The following CDKL3 variants were observed in gnomAD, a reference collection of about 807,000 sequenced individuals.
The protein encoded by CDKL3 is cyclin-dependent kinase-like 3.
A neutral mutation model predicts 69.3 loss-of-function variants in CDKL3; 65 were observed. That is an observed-to-expected ratio of 0.94 (90% confidence interval 0.77 to 1.15). CDKL3 has a LOEUF of 1.15. Among genes scored for constraint, CDKL3 ranks in the 50% most tolerant of loss-of-function variants. The probability of loss-of-function intolerance (pLI) is 0.00; values close to 1 mark genes in which losing one functional copy is unlikely to be tolerated. For synonymous variants in CDKL3, 202 were observed against 221.6 expected (o/e 0.91, Z 0.79); for missense variants, 652 against 689.2 (o/e 0.95, Z 0.61).
At chr5:134,310,458 G>A (rs900371045) in intron 7 of CDKL3, among the ~76,000 whole-genome samples, 4 of 151,578 alleles carry the variant, frequency 2.6e-5, no homozygotes, top group African/African-American at 9.7e-5. Flanking sequence ...CCAAAGTGCT[G>A]GGATTACAGG....
rs1384930916 is a variant in CDKL3 at position 134,366,369 on chromosome 5, T to G, written c.155A>C (p.Lys52Thr). Residue 52 changes from lysine (K) to threonine (T), a missense_variant, in exon 2 of 13, where the codon AAG becomes ACG. Physicochemically the swap from Lys to Thr is moderately conservative, Grantham distance 78. Transcript: ENST00000265334. ...GCAAAAGAAGCAAACCTTTAGAAAC[T>G]TTATTTCTCTCATCGCAATTTTGTT... ...SVNKIAMREI[K>T]FLKQFHHENL... is the part of the protein sequence containing the mutation. 6.4e-7 allele frequency: 1 copy of G among 1,567,284 alleles called. No individual in the cohort carries two copies. Among genetic ancestry groups the G allele is most frequent in the Non-Finnish European group, 8.6e-7 (1 of 1,160,914 alleles).
chr5:134,358,964 G>C (rs998869630), intron 3 of CDKL3, among the ~76,000 whole-genome samples: 1 of 152,080 alleles, frequency 6.6e-6, no homozygotes, highest in African/African-American at 2.4e-5. Flanking sequence ...CAGTTTAAAT[G>C]CTTTATACCT....
intron 6 of CDKL3, 122 bp downstream of exon 6, chr5:134,319,236 C>A: frequency 1.5e-6 from 1 of 672,336 alleles, no homozygotes; most frequent in Non-Finnish European, 2.3e-6. Flanking sequence ...AAGGCTGAGG[C>A]AGGAGAATCT....
intron 3 of CDKL3, among the ~76,000 whole-genome samples, chr5:134,354,772 C>T (rs1452446648): frequency 6.6e-6 from 1 of 152,020 alleles, no homozygotes; most frequent in Non-Finnish European, 1.5e-5. Context: ...CATGGTGAAA[C>T]CCCGTCTCTA....
upstream of CDKL3, among the ~76,000 whole-genome samples, chr5:134,369,568 A>T (rs947515188): frequency 6.7e-6 from 1 of 148,822 alleles, no homozygotes; most frequent in Non-Finnish European, 1.5e-5. Flanking sequence ...GACTGCCTTG[A>T]CTGATAAATT....
chr5:134,348,196 GGGCAACATA>G (rs1248913835), intron 4 of CDKL3, among the ~76,000 whole-genome samples: 6 of 152,208 alleles, frequency 3.9e-5, no homozygotes, highest in African/African-American at 1.4e-4. Flanking sequence ...GAGACAGCCT[GGGCAACATA>G]GTGAGACCTG....
At chr5:134,344,931 G>A (rs1751453519) in intron 4 of CDKL3, among the ~76,000 whole-genome samples, 1 of 152,030 alleles carries the variant, frequency 6.6e-6, no homozygotes, top group Non-Finnish European at 1.5e-5. Flanking sequence ...CGGGTGTGGT[G>A]CCATGCGCCT....
At chr5:134,359,780 T>C in intron 3 of CDKL3, 117 bp downstream of exon 3, 1 of 737,996 alleles carries the variant, frequency 1.4e-6, no homozygotes, top group Non-Finnish European at 2.1e-6. Context: ...TTTCAGGATG[T>C]CTATTATTAT....
At chr5:134,302,001 G>A (rs950863241) in intron 12 of CDKL3, 1 of 355,286 alleles carries the variant, frequency 2.8e-6, no homozygotes. Flanking sequence ...TAATTCAGTG[G>A]GTGCTCAGCA....
chr5:134,366,295 G>A, intron 2 of CDKL3, 64 bp downstream of exon 2: 1 of 1,149,840 alleles, frequency 8.7e-7, no homozygotes, highest in South Asian at 1.5e-5. Context: ...AATATTTTAT[G>A]CAATTTTTTA....
chr5:134,364,497 A>G (rs1756889752), intron 2 of CDKL3, among the ~76,000 whole-genome samples: 1 of 151,768 alleles, frequency 6.6e-6, no homozygotes, highest in Non-Finnish European at 1.5e-5. Context: ...GTCTTTCTAT[A>G]GTCTTCTACA....
At chr5:134,291,009 C>G (rs1043422672) in intron 8 of CDKL3, among the ~76,000 whole-genome samples, 1 of 151,908 alleles carries the variant, frequency 6.6e-6, no homozygotes, top group Non-Finnish European at 1.5e-5. Flanking sequence ...GTGGTCAAAT[C>G]CTGGAAATAT....
chr5:134,341,494 G>C (rs1750473371), intron 4 of CDKL3, among the ~76,000 whole-genome samples: 1 of 152,224 alleles, frequency 6.6e-6, no homozygotes, highest in Admixed American at 6.5e-5. Flanking sequence ...GCATGATAAT[G>C]ATATGAGTTA....
At position 134,367,142 on chromosome 5, in the gene CDKL3, A is replaced by G. The variant is rs1256454127; in HGVS notation, c.-187T>C. 2.0e-6 allele frequency: 2 copies of G among 985,548 alleles called. No individual in the cohort carries two copies. Among genetic ancestry groups the G allele is most frequent in the Non-Finnish European group, 2.4e-6 (2 of 830,156 alleles). The allele number at this position is 985,548 out of a possible 1,614,324, so 61.1% of individuals were successfully genotyped here. ...CGCAAGGAACCGGCCACTTGCCACC[A>G]TGGAAACGCCGGCGGAGTTGCTGCG... is the stretch of plus-strand genomic sequence containing the variant. On this transcript the variant is annotated 5_prime_UTR_variant, in exon 1 of 13. It removes an upstream start codon present in the reference 5' UTR. Transcript: ENST00000265334.
downstream of CDKL3, among the ~76,000 whole-genome samples, chr5:134,284,144 G>C (rs1350615946): frequency 6.6e-6 from 1 of 152,128 alleles, no homozygotes; most frequent in African/African-American, 2.4e-5. Flanking sequence ...CACAGTGCAA[G>C]CAGTCAGTGA....
intron 3 of CDKL3, among the ~76,000 whole-genome samples, chr5:134,352,614 T>C (rs1037892666): frequency 1.3e-5 from 2 of 151,996 alleles, no homozygotes; most frequent in African/African-American, 4.8e-5. Context: ...TTTGCCCATT[T>C]TTTATTTATT....
downstream of CDKL3, among the ~76,000 whole-genome samples, chr5:134,283,809 C>T (rs1189175388): frequency 1.3e-5 from 2 of 152,076 alleles, no homozygotes; most frequent in African/African-American, 4.8e-5. Context: ...CATCTATGAG[C>T]CTATAAAATC....
upstream of CDKL3, among the ~76,000 whole-genome samples, chr5:134,369,438 G>A (rs1758102635): frequency 6.6e-6 from 1 of 152,140 alleles, no homozygotes; most frequent in South Asian, 2.1e-4. Flanking sequence ...GGGGTAGGAG[G>A]AGGACCTCAG....
downstream of CDKL3, chr5:134,298,173 A>G (rs1765481676): frequency 1.2e-6 from 1 of 805,540 alleles, no homozygotes; most frequent in East Asian, 1.3e-4. Flanking sequence ...ACCTCAAGTG[A>G]TCCGCCTGCC....
Sources: allele counts gnomAD v4.1 joint callset (sites outside exome capture counted in the v4.1 genomes callset), GRCh38; gene constraint gnomAD v4.1.1; transcripts MANE v1.5; gene names NCBI Gene and HGNC (gene_info 2026-07-23, HGNC 2026-07-21).